The following PFKP variants were observed in gnomAD, a reference collection of about 807,000 sequenced individuals.
PFKP encodes the protein ATP-dependent 6-phosphofructokinase, platelet type.
In PFKP, 101 loss-of-function variants were observed where a neutral mutation model predicts 94.3. The observed-to-expected ratio is 1.07, with a 90% CI of 0.91 to 1.26. PFKP has a LOEUF of 1.26. PFKP is among the 50% of genes most tolerant of loss of function. The probability of loss-of-function intolerance (pLI) is 0.00; values close to 1 mark genes in which losing one functional copy is unlikely to be tolerated. For synonymous variants in PFKP, 573 were observed against 432.6 expected, an observed-to-expected ratio of 1.32 and a Z score of -4.03; for missense variants, 1,145 against 1,103.3, an observed-to-expected ratio of 1.04 and a Z score of -0.53.
Position 3,087,739 on chromosome 10 carries a change from A to G in PFKP, c.186+5278A>G, listed in dbSNP as rs74871494. On this transcript the variant is annotated intron_variant, in intron 2 of 21. Transcript: ENST00000381125. ...TTTGAGCCCAAATTTCCTCTCTGGC[A>G]CCCTCCCCACCTGCCCCAGAAGGTG... Among the ~76,000 whole-genome samples the G allele has an allele frequency of 6.3e-3, 960 of 151,816 alleles. 9 individuals are homozygous for G. The highest frequency in any genetic ancestry group is 0.021 in the African/African-American group (886 of 41,398).
intron 20 of PFKP, among the ~76,000 whole-genome samples, 170 bp downstream of exon 20, chr10:3,134,752 T>G (rs191783845): frequency 6.6e-6 from 1 of 152,366 alleles, no homozygotes; most frequent in Non-Finnish European, 1.5e-5. Context: ...TTAACCAACC[T>G]TGGATTCCTG....
chr10:3,125,229 G>A (rs1837819790), intron 16 of PFKP: 12 of 1,334,702 alleles, frequency 9.0e-6, no homozygotes, highest in Non-Finnish European at 1.2e-5. Context: ...CTCCGACACT[G>A]GCCTGAATGC....
chr10:3,069,773 TG>T (rs1554755631), intron 1 of PFKP, among the ~76,000 whole-genome samples: 1 of 152,210 alleles, frequency 6.6e-6, no homozygotes, highest in Non-Finnish European at 1.5e-5. Context: ...AAAATATTTA[TG>T]GGTCATTCCT....
chr10:3,080,186 C>G (rs1422268241), intron 1 of PFKP, among the ~76,000 whole-genome samples: 4 of 152,010 alleles, frequency 2.6e-5, no homozygotes, highest in African/African-American at 9.7e-5. Flanking sequence ...TTCCAGTAGC[C>G]CTGGGAACCT....
At chr10:3,098,706 GCTT>G (rs1336095017) in intron 2 of PFKP, among the ~76,000 whole-genome samples, 3 of 147,132 alleles carry the variant, frequency 2.0e-5, no homozygotes, top group South Asian at 2.2e-4. Flanking sequence ...TTGTCCTTGG[GCTT>G]CTTCTATCAA....
Position 3,100,205 on chromosome 10 carries a change from C to T in PFKP, c.264+853C>T, listed in dbSNP as rs567312717. ...GGTTGGAGTTTCTGGGTTGCTGGCT[C>T]TAGCTCCCATTGTGCTGGCTCTCGT... On this transcript the variant is annotated intron_variant, in intron 3 of 21. Coordinates refer to ENST00000381125, the MANE Select transcript of PFKP (RefSeq NM_002627.5). Among the ~76,000 whole-genome samples the T allele has an allele frequency of 5.3e-5, 8 of 152,006 alleles. No individual in the cohort carries two copies. The South Asian group carries it at 1.7e-3, about 32-fold the overall frequency.
intron 2 of PFKP, among the ~76,000 whole-genome samples, chr10:3,093,055 G>A (rs1181449929): frequency 6.6e-6 from 1 of 151,150 alleles, no homozygotes; most frequent in African/African-American, 2.5e-5. Flanking sequence ...TGAACTCCTG[G>A]GATGTGTGGA....
chr10:3,088,103 G>A (rs932368805), intron 2 of PFKP, among the ~76,000 whole-genome samples: 32 of 143,484 alleles, frequency 2.2e-4, no homozygotes, highest in Admixed American at 1.0e-3. Flanking sequence ...CCATTAACTC[G>A]TCATTTACAT....
intron 18 of PFKP, among the ~76,000 whole-genome samples, chr10:3,132,672 C>T (rs1000371409): frequency 6.6e-6 from 1 of 152,228 alleles, no homozygotes; most frequent in Admixed American, 6.5e-5. Flanking sequence ...ATCTTGCAAT[C>T]ATTTCCCTAA....
intron 2 of PFKP, among the ~76,000 whole-genome samples, chr10:3,095,223 C>T (rs1588445807): frequency 1.2e-5 from 1 of 85,718 alleles, no homozygotes; most frequent in South Asian, 3.8e-4. Context: ...TATGAGACGT[C>T]CGAGAAAGCC....
At chr10:3,105,320 G>A in intron 6 of PFKP, 73 bp from the exon 7 acceptor site, 2 of 1,379,580 alleles carry the variant, frequency 1.4e-6, no homozygotes, top group Non-Finnish European at 2.1e-6. Context: ...GTCTGTCGCT[G>A]AGCGGGGTGC....
chr10:3,078,418 T>C (rs946827650), intron 1 of PFKP, among the ~76,000 whole-genome samples: 30 of 152,314 alleles, frequency 2.0e-4, no homozygotes, highest in African/African-American at 6.5e-4. Context: ...GGTTTCATCT[T>C]GCAGGGCCCA....
In PFKP at chr10:3,127,235, G is replaced by A. The variant is rs113716220; in HGVS notation, c.1684-2584G>A. On this transcript the variant is annotated intron_variant, in intron 16 of 21. Coordinates refer to ENST00000381125, the MANE Select transcript of PFKP (RefSeq NM_002627.5). ...GGCGGCCTCTTCCGTACCAGCTGTC[G>A]CTGCGTTTACACTGAGACGAGCACA... Among the ~76,000 whole-genome samples, 696 of 152,360 alleles carry A rather than the reference G, an allele frequency of 4.6e-3. 6 individuals are homozygous for A. Among genetic ancestry groups the A allele is most frequent in the African/African-American group, 0.016 (656 of 41,588 alleles).
At chr10:3,090,098 A>T (rs1833927100) in intron 2 of PFKP, among the ~76,000 whole-genome samples, 1 of 152,242 alleles carries the variant, frequency 6.6e-6, no homozygotes, top group Non-Finnish European at 1.5e-5. Flanking sequence ...GCTGAATAAT[A>T]TTCCATTGTG....
chr10:3,104,968 G>GCCTA, intron 5 of PFKP, 147 bp from the exon 6 acceptor site: 1 of 737,516 alleles, frequency 1.4e-6, no homozygotes, highest in South Asian at 1.6e-5. Context: ...CATTTTTGAA[G>GCCTA]CCTAGGTCCC....
rs1839418438 is a variant in PFKP, at chr10:3,136,707, C to T, written c.*128C>T. 1.1e-5 allele frequency: 10 copies of T among 923,492 alleles called. No individual in the cohort carries two copies. The highest frequency in any genetic ancestry group is 3.1e-4 in the Middle Eastern group (1 of 3,240). 57.2% of individuals were successfully genotyped at this position (923,492 alleles called of 1,614,324 possible). On this transcript the variant is annotated 3_prime_UTR_variant, in exon 22 of 22. Coordinates refer to ENST00000381125, the MANE Select transcript of PFKP (RefSeq NM_002627.5). ...ACCTAATCGGCGAGTGCCCATCTGC[C>T]CCACCTGCTCCAGTGCGTGCTGTCT...
chr10:3,098,830 A>T (rs1421899155), intron 2 of PFKP, among the ~76,000 whole-genome samples: 2 of 152,220 alleles, frequency 1.3e-5, no homozygotes, highest in Admixed American at 6.5e-5. Context: ...TTCAACATAC[A>T]TCCCAAGTGG....
rs1280636156 is a variant in PFKP at position 3,101,405 on chromosome 10, G to A, written c.305G>A (p.Arg102His). 6.2e-6 allele frequency: 10 copies of A among 1,602,386 alleles called. No homozygotes were observed. Among genetic ancestry groups the A allele is most frequent in the East Asian group, 2.3e-5 (1 of 44,282 alleles). Residue 102 changes from arginine to histidine, a missense_variant, in exon 4 of 22, where the codon CGC becomes CAC. This residue lies in a region of PFKP where 1,119 missense variants were observed against 1,062.8 expected (regional missense o/e 1.05). Coordinates refer to ENST00000381125, the MANE Select transcript of PFKP (RefSeq NM_002627.5). Reference sequence around the variant, plus strand: ...GGCAGTGCGCGGTGCCAGGCCTTCCGCACGCGGGAAGGCCGCCTGAAGGCT... The same window carrying A: ...GGCAGTGCGCGGTGCCAGGCCTTCCACACGCGGGAAGGCCGCCTGAAGGCT... ...IIGSARCQAF[R>H]TREGRLKAAC...
chr10:3,105,006 CA>C, intron 5 of PFKP, 108 bp from the exon 6 acceptor site: 1 of 1,066,998 alleles, frequency 9.4e-7, no homozygotes, highest in Non-Finnish European at 1.4e-6. Context: ...ACTCGGCTGT[CA>C]AAGCCCCTTT....
Sources: allele counts gnomAD v4.1 joint callset (sites outside exome capture counted in the v4.1 genomes callset), GRCh38; gene constraint gnomAD v4.1.1; regional missense constraint gnomAD v4.1.1; transcripts MANE v1.5; gene names NCBI Gene and HGNC (gene_info 2026-07-23, HGNC 2026-07-21).